SESN1: variants seen among roughly 807,000 people sequenced by gnomAD.
SESN1 encodes sestrin-1.
SESN1 carries 30 observed loss-of-function variants against 59.3 expected under a neutral mutation model. The ratio of observed to expected loss-of-function variants is 0.51; its 90% CI spans 0.38 to 0.69. The LOEUF (loss-of-function observed/expected upper bound fraction) is 0.69. Among genes scored for constraint, SESN1 ranks in the 30% least tolerant of loss-of-function variants. The pLI, the probability that SESN1 is intolerant of heterozygous loss-of-function variation, is 0.00. For missense variants in SESN1, 566 were observed against 673.0 expected, an observed-to-expected ratio of 0.84 and a Z score of 1.76; for synonymous variants, 197 against 219.9, an observed-to-expected ratio of 0.90 and a Z score of 0.92.
chr6:109,023,299 C>T (rs1353268288), intron 1 of SESN1, among the ~76,000 whole-genome samples: 2 of 152,188 alleles, frequency 1.3e-5, no homozygotes, highest in Non-Finnish European at 2.9e-5. Context: ...TCATTAAGGA[C>T]ACATTATCAT....
At chr6:109,004,735 C>T (rs1202884155) in intron 1 of SESN1, among the ~76,000 whole-genome samples, 2 of 151,496 alleles carry the variant, frequency 1.3e-5, no homozygotes, top group South Asian at 2.1e-4. Flanking sequence ...GACCAACAAT[C>T]GTATTTTAAA....
chr6:109,011,016 AATG>A (rs907862525), intron 1 of SESN1, among the ~76,000 whole-genome samples: 1 of 152,226 alleles, frequency 6.6e-6, no homozygotes, highest in African/African-American at 2.4e-5. Context: ...GTATGTGAAA[AATG>A]ATGACTCTGG....
At chr6:109,000,044 T>C (rs1779581766) in intron 4 of SESN1, 2 of 152,410 alleles carry the variant, frequency 1.3e-5, no homozygotes, top group Non-Finnish European at 2.9e-5. Context: ...AAAAGCTACA[T>C]ACTTTTGTAT....
chr6:108,993,088 G>C, intron 6 of SESN1, 189 bp from the exon 7 acceptor site: 1 of 517,068 alleles, frequency 1.9e-6, no homozygotes, highest in East Asian at 3.4e-5. Flanking sequence ...GAGATTTTCT[G>C]TTATAAAATG....
Position 108,985,344 on chromosome 6 carries a change from T to A in SESN1, c.*2200A>T, listed in dbSNP as rs2128525277. Among the ~76,000 whole-genome samples the A allele has an allele frequency of 6.6e-6, 1 of 152,302 alleles. No individual in the cohort carries two copies. Among genetic ancestry groups the A allele is most frequent in the East Asian group, 1.9e-4 (1 of 5,178 alleles). On this transcript the variant is annotated 3_prime_UTR_variant, in exon 10 of 10. Transcript: ENST00000436639. ...CCTCAACCAGAAATCTTCTCATGATTATTTTAGAAGAAAATTTTCCTCTGG... is the reference window on the plus strand; with the variant it reads ...CCTCAACCAGAAATCTTCTCATGATAATTTTAGAAGAAAATTTTCCTCTGG...
intron 1 of SESN1, among the ~76,000 whole-genome samples, chr6:109,006,872 A>G (rs1779743360): frequency 6.6e-6 from 1 of 152,224 alleles, no homozygotes; most frequent in Non-Finnish European, 1.5e-5. Flanking sequence ...ATTTAGGTTA[A>G]TTCAATTATT....
rs1252819491 is a variant in SESN1 at position 108,984,966 on chromosome 6, C to G, written c.*2578G>C. 6.6e-6 allele frequency among the ~76,000 whole-genome samples: 1 copy of G among 152,166 alleles called. No homozygotes were observed. The highest frequency in any genetic ancestry group is 1.5e-5 in the Non-Finnish European group (1 of 68,028). The stretch of plus-strand genomic sequence containing the variant: ...CCCATATATTGTTAACTCAGCGTCT[C>G]TGGGAGAATGAGGACGTGGAGTTCC... On this transcript the variant is annotated 3_prime_UTR_variant, in exon 10 of 10. Coordinates refer to ENST00000436639, the MANE Select transcript of SESN1 (RefSeq NM_014454.3).
At chr6:109,021,599 G>A (rs1476252874) in intron 1 of SESN1, among the ~76,000 whole-genome samples, 1 of 151,960 alleles carries the variant, frequency 6.6e-6, no homozygotes, top group Non-Finnish European at 1.5e-5. Flanking sequence ...CACCAAGCCT[G>A]GCTAATTTTT....
intron 1 of SESN1, among the ~76,000 whole-genome samples, chr6:109,018,595 A>T (rs1779961693): frequency 6.6e-6 from 1 of 152,192 alleles, no homozygotes; most frequent in Non-Finnish European, 1.5e-5. Context: ...TCCCATCATG[A>T]TTCCTTAGTT....
At chr6:108,992,712 T>C in intron 7 of SESN1, 75 bp downstream of exon 7, 1 of 912,112 alleles carries the variant, frequency 1.1e-6, no homozygotes, top group Non-Finnish European at 1.8e-6. Context: ...TTCTCAAATC[T>C]AAGTGGCTGT....
chr6:109,087,015 C>T (rs968703137), intron 1 of SESN1, among the ~76,000 whole-genome samples: 14 of 152,088 alleles, frequency 9.2e-5, no homozygotes, highest in African/African-American at 3.1e-4. Context: ...ACCTGTAATC[C>T]CAGCTACTCA....
intron 1 of SESN1, among the ~76,000 whole-genome samples, chr6:109,074,635 C>T (rs1015032323): frequency 1.1e-4 from 16 of 152,284 alleles, no homozygotes; most frequent in African/African-American, 3.8e-4. Flanking sequence ...GTAAAGTACA[C>T]CAACTTGACT....
At chr6:109,008,600 G>C (rs1197943105) in intron 1 of SESN1, 1 of 175,110 alleles carries the variant, frequency 5.7e-6, no homozygotes, top group African/African-American at 2.4e-5. Context: ...TTCACATTTA[G>C]ATTTCTTGAA....
intron 6 of SESN1, among the ~76,000 whole-genome samples, chr6:108,993,859 T>C (rs1326333279): frequency 6.6e-6 from 1 of 151,944 alleles, no homozygotes; most frequent in Non-Finnish European, 1.5e-5. Context: ...GTACTACAGG[T>C]ACAAACTGCC....
Position 108,989,604 on chromosome 6 carries a change from T to G in SESN1, c.1425-917A>C, listed in dbSNP as rs542046900. Reference sequence around the variant, plus strand: ...ATATATAGAGAGAGATAGAGAGAGATAGATATCTCTCTATATAGAGAAATT... The same window carrying G: ...ATATATAGAGAGAGATAGAGAGAGAGAGATATCTCTCTATATAGAGAAATT... On this transcript the variant is annotated intron_variant, in intron 8 of 9. Transcript: ENST00000436639. Among the ~76,000 whole-genome samples the G allele has an allele frequency of 1.3e-4, 20 of 151,014 alleles. No individual in the cohort carries two copies. In the East Asian group the frequency reaches 2.5e-3, roughly 19 times the overall value.
chr6:109,061,434 AG>A, intron 1 of SESN1, among the ~76,000 whole-genome samples: 1 of 152,338 alleles, frequency 6.6e-6, no homozygotes, highest in South Asian at 2.1e-4. Context: ...CAAAAATTAA[AG>A]GGGATGTATC....
chr6:109,074,216 C>T (rs921096744), intron 1 of SESN1, among the ~76,000 whole-genome samples: 1 of 152,094 alleles, frequency 6.6e-6, no homozygotes, highest in African/African-American at 2.4e-5. Context: ...GATGTTTGCA[C>T]AATTATGTAA....
intron 1 of SESN1, among the ~76,000 whole-genome samples, chr6:109,066,030 C>A (rs1409973249): frequency 6.6e-6 from 1 of 152,062 alleles, no homozygotes; most frequent in Non-Finnish European, 1.5e-5. Flanking sequence ...ACTATCCATA[C>A]TCAGTGAAAG....
At chr6:109,009,085 C>T (rs1040275809) in intron 1 of SESN1, 1 of 821,182 alleles carries the variant, frequency 1.2e-6, no homozygotes. Context: ...TACATGACCG[C>T]GGCCGCAGTC....
Sources: allele counts gnomAD v4.1 joint callset (sites outside exome capture counted in the v4.1 genomes callset), GRCh38; gene constraint gnomAD v4.1.1; transcripts MANE v1.5; gene names NCBI Gene and HGNC (gene_info 2026-07-23, HGNC 2026-07-21).